Variants in DERL3 observed in about 807,000 individuals in gnomAD.
DERL3 encodes derlin 3.
A neutral mutation model predicts 23.8 loss-of-function variants in DERL3; 20 were observed. The observed-to-expected ratio is 0.84, with a 90% CI of 0.59 to 1.22. DERL3 has a LOEUF of 1.22. Among genes scored for constraint, DERL3 ranks in the 50% most tolerant of loss-of-function variants. The pLI, the probability that DERL3 is intolerant of heterozygous loss-of-function variation, is 0.00. For synonymous variants in DERL3, 145 were observed against 132.5 expected (o/e 1.09, Z -0.65); for missense variants, 319 against 304.1 (o/e 1.05, Z -0.36).
chr22:23,837,586 C>A (rs570608450), intron 5 of DERL3, 73 bp downstream of exon 5: 62 of 1,503,746 alleles, frequency 4.1e-5, no homozygotes, highest in Middle Eastern at 2.0e-4. Flanking sequence ...GGGAGAGGGG[C>A]CCCAGGGCAT....
In DERL3 at chr22:23,836,685, A is replaced by G; in HGVS notation, c.*184T>C. The G allele has an allele frequency of 7.7e-7, 1 of 1,301,696 alleles. No homozygotes were observed. Among genetic ancestry groups the G allele is most frequent in the Non-Finnish European group, 9.7e-7 (1 of 1,031,646 alleles). 80.6% of individuals were successfully genotyped at this position (1,301,696 alleles called of 1,614,324 possible). Reference sequence around the variant, plus strand: ...TGAGTGAGGACGGGGCAGGCATAGAAGGATGTGGCCAGGTGAGATGGGGAA... The same window carrying G: ...TGAGTGAGGACGGGGCAGGCATAGAGGGATGTGGCCAGGTGAGATGGGGAA... On this transcript the variant is annotated 3_prime_UTR_variant, in exon 7 of 7. Coordinates refer to ENST00000318109, the MANE Select transcript of DERL3 (RefSeq NM_001002862.3).
At chr22:23,837,993 C>T (rs2031239435) in intron 4 of DERL3, 139 bp from the exon 5 acceptor site, 1 of 1,234,364 alleles carries the variant, frequency 8.1e-7, no homozygotes, top group Non-Finnish European at 1.1e-6. Flanking sequence ...CCAATAAAGG[C>T]GACACACTCC....
chr22:23,838,179 T>C, intron 4 of DERL3, 173 bp downstream of exon 4: 2 of 1,544,736 alleles, frequency 1.3e-6, no homozygotes, highest in Non-Finnish European at 8.7e-7. Context: ...CATACAGCAC[T>C]GAAGATCTAG....
intron 4 of DERL3, 29 bp from the exon 5 acceptor site, chr22:23,837,883 A>T (rs2031226482): frequency 1.9e-6 from 3 of 1,595,576 alleles, no homozygotes; most frequent in East Asian, 2.2e-5. Context: ...GCTCCGGTGC[A>T]GGCCTCAGCC....
chr22:23,837,887 C>T (rs2031226739), intron 4 of DERL3, 33 bp from the exon 5 acceptor site: 1 of 1,590,282 alleles, frequency 6.3e-7, no homozygotes, highest in Non-Finnish European at 8.6e-7. Flanking sequence ...CGGTGCAGGC[C>T]TCAGCCCAAG....
Position 23,836,092 on chromosome 22 carries a change from G to A in DERL3, c.*777C>T, listed in dbSNP as rs5760061. On this transcript the variant is annotated 3_prime_UTR_variant, in exon 7 of 7. Transcript: ENST00000318109. ...AAGAGAAAAATGAGCCACAGGGGTC[G>A]GATAAGGCTCACACACGTCCTCAGC... is the stretch of plus-strand genomic sequence containing the variant. 0.78 allele frequency: 764,840 copies of A among 985,274 alleles called. 300,858 individuals carry two copies. Among genetic ancestry groups the A allele is most frequent in the Non-Finnish European group, 0.81 (669,468 of 829,910 alleles). The allele number at this position is 985,274 out of a possible 1,614,324, so 61.0% of individuals were successfully genotyped here.
intron 5 of DERL3, chr22:23,837,440 G>C: frequency 1.5e-6 from 1 of 649,476 alleles, no homozygotes. Context: ...CATCAGGACC[G>C]TGCAAGCATC....
rs1568969292 is a variant in DERL3, at chr22:23,837,753, G to GA, written c.428dup (p.Phe144LeufsTer80). 3 of 1,614,050 alleles carry GA rather than the reference G, an allele frequency of 1.9e-6. No homozygotes were observed. The Admixed American group carries it at 5.0e-5, about 27-fold the overall frequency. ...GTGCCTGGAAAGTGAGCAGGCCGAA[G>GA]AAGTTGACCCTCACCCGAGGGCTGC... On this transcript the variant is annotated frameshift_variant, in exon 5 of 7. Coordinates refer to ENST00000318109, the MANE Select transcript of DERL3 (RefSeq NM_001002862.3). LOFTEE classifies it high-confidence loss of function.
At position 23,834,712 on chromosome 22, in the gene DERL3, C is replaced by G; in HGVS notation, c.*2157G>C. On this transcript the variant is annotated 3_prime_UTR_variant, in exon 7 of 7. Coordinates refer to ENST00000318109, the MANE Select transcript of DERL3 (RefSeq NM_001002862.3). ...TAGCACCTCAGCTCCTCTCAGCTCCCCTCAGCCTGTTCTCCTTCCAGACCC... is the reference window on the plus strand; with the variant it reads ...TAGCACCTCAGCTCCTCTCAGCTCCGCTCAGCCTGTTCTCCTTCCAGACCC... 1.4e-6 allele frequency: 2 copies of G among 1,389,840 alleles called. No homozygotes were observed. Among genetic ancestry groups the G allele is most frequent in the Non-Finnish European group, 1.9e-6 (2 of 1,040,882 alleles). The allele number at this position is 1,389,840 out of a possible 1,614,324, so 86.1% of individuals were successfully genotyped here.
chr22:23,837,147 C>A lies in DERL3; in HGVS notation c.531G>T (p.Ala177=). 1 of 1,613,936 alleles carries A rather than the reference C, an allele frequency of 6.2e-7. No individual in the cohort carries two copies. Among genetic ancestry groups the A allele is most frequent in the Non-Finnish European group, 8.5e-7 (1 of 1,179,906 alleles). ...NSILVDLLGI[A]VGHIYYFLED... ...CCAGGAAGTAGTAGATATGGCCCAC[C>A]GCAATCCCTGTGAGACAGCCACGGA... Residue 177 remains alanine (A), a synonymous_variant, in exon 6 of 7, where the codon GCG becomes GCT. Coordinates refer to ENST00000318109, the MANE Select transcript of DERL3 (RefSeq NM_001002862.3).
chr22:23,838,394 G>A lies in DERL3; in HGVS notation c.285C>T (p.Ala95=). 3.1e-6 allele frequency: 5 copies of A among 1,610,016 alleles called. No homozygotes were observed. The South Asian group carries it at 5.5e-5, about 18-fold the overall frequency. ...LEEGSFRGRT[A]DFVFMFLFGG... is the part of the protein sequence containing the mutation. ...CGAAGAGAAACATGAAGACGAAGTC[G>A]GCCGTGCGGCCGCGGAAGGAGCCCT... Residue 95 remains alanine (A), a synonymous_variant, in exon 4 of 7, where the codon GCC becomes GCT. Coordinates refer to ENST00000318109, the MANE Select transcript of DERL3 (RefSeq NM_001002862.3).
Position 23,838,887 on chromosome 22 carries a change from C to T in DERL3, c.93+8G>A. On this transcript the variant is annotated splice_region_variant and intron_variant, in intron 1 of 6. Coordinates refer to ENST00000318109, the MANE Select transcript of DERL3 (RefSeq NM_001002862.3). Reference sequence around the variant, plus strand: ...CCAAGGCGACGTCCGGTCCGCCCGGCCGCTTACCACCGCGGCGGTGGTGAG... The same window carrying T: ...CCAAGGCGACGTCCGGTCCGCCCGGTCGCTTACCACCGCGGCGGTGGTGAG... 1 of 1,557,510 alleles carries T rather than the reference C, an allele frequency of 6.4e-7. No homozygotes were observed. The highest frequency in any genetic ancestry group is 8.7e-7 in the Non-Finnish European group (1 of 1,150,460).
chr22:23,837,342 C>T (rs1259736497), intron 5 of DERL3, 188 bp from the exon 6 acceptor site: 5 of 764,496 alleles, frequency 6.5e-6, no homozygotes, highest in Non-Finnish European at 1.1e-5. Context: ...GGCCCAGAAG[C>T]AGGCAGGACC....
In DERL3 at chr22:23,838,255, T is replaced by C. The variant is rs930610472; in HGVS notation, c.327+97A>G. 9.7e-6 allele frequency: 15 copies of C among 1,551,418 alleles called. No individual in the cohort carries two copies. The African/African-American group carries it at 1.8e-4, about 18-fold the overall frequency. On this transcript the variant is annotated intron_variant, in intron 4 of 6. Transcript: ENST00000318109. ...CATACTAAGCTGGAGACAGCGACTG[T>C]GTCCCTCTCTGGCATGGCTGTGTTG... is the stretch of plus-strand genomic sequence containing the variant.
At position 23,834,999 on chromosome 22, in the gene DERL3, T is replaced by C; in HGVS notation, c.*1870A>G. 1 of 1,473,520 alleles carries C rather than the reference T, an allele frequency of 6.8e-7. No homozygotes were observed. The highest frequency in any genetic ancestry group is 9.0e-7 in the Non-Finnish European group (1 of 1,114,224). The allele number at this position is 1,473,520 out of a possible 1,614,324, so 91.3% of individuals were successfully genotyped here. ...GCCAGCCTGGGTGCAGGAGGGCTGTTCTAGCTCCAGTGGCACCCATAGCCA... is the reference window on the plus strand; with the variant it reads ...GCCAGCCTGGGTGCAGGAGGGCTGTCCTAGCTCCAGTGGCACCCATAGCCA... On this transcript the variant is annotated 3_prime_UTR_variant, in exon 7 of 7. Coordinates refer to ENST00000318109, the MANE Select transcript of DERL3 (RefSeq NM_001002862.3).
Position 23,836,592 on chromosome 22 carries a change from T to C in DERL3, c.*277A>G, listed in dbSNP as rs763794922. 1 of 1,169,762 alleles carries C rather than the reference T, an allele frequency of 8.5e-7. No homozygotes were observed. The highest frequency in any genetic ancestry group is 1.1e-6 in the Non-Finnish European group (1 of 949,934). The allele number at this position is 1,169,762 out of a possible 1,614,324, so 72.5% of individuals were successfully genotyped here. On this transcript the variant is annotated 3_prime_UTR_variant, in exon 7 of 7. Transcript: ENST00000318109. The stretch of plus-strand genomic sequence containing the variant: ...AGCTCAAAGCTCTGCCAGGCAACCA[T>C]GGGCAGTTTCTTTGCCCTCTGTGGG...
At position 23,834,845 on chromosome 22, in the gene DERL3, C is replaced by A; in HGVS notation, c.*2024G>T. On this transcript the variant is annotated 3_prime_UTR_variant, in exon 7 of 7. Coordinates refer to ENST00000318109, the MANE Select transcript of DERL3 (RefSeq NM_001002862.3). ...CTTGGCCTCAGGAAGGTGCCGCGAGCTCTCCTGCCGTCCCTGGGCCGCCCT... is the reference window on the plus strand; with the variant it reads ...CTTGGCCTCAGGAAGGTGCCGCGAGATCTCCTGCCGTCCCTGGGCCGCCCT... The A allele has an allele frequency of 6.2e-7, 1 of 1,612,214 alleles. No individual in the cohort carries two copies.
rs35305666 is a variant in DERL3 at position 23,834,772 on chromosome 22, CA to C, written c.*2096del. 0.92 allele frequency: 1,436,249 copies of C among 1,567,498 alleles called. 659,901 individuals carry two copies. Among genetic ancestry groups the C allele is most frequent in the African/African-American group, 0.95 (70,594 of 74,190 alleles). On this transcript the variant is annotated 3_prime_UTR_variant, in exon 7 of 7. Transcript: ENST00000318109. ...AGAAGAGTAGCTGTGAGGCTCAGGG[CA>C]AGAGGCTCTCTGCCTTTCAGGAACA...
Position 23,836,157 on chromosome 22 carries a change from T to G in DERL3, c.*712A>C. Reference sequence around the variant, plus strand: ...ACAGAACCTTCCAGAAGTCCCTGCCTCACCCAGTCTCAGAACTCTGCTAAG... The same window carrying G: ...ACAGAACCTTCCAGAAGTCCCTGCCGCACCCAGTCTCAGAACTCTGCTAAG... On this transcript the variant is annotated 3_prime_UTR_variant, in exon 7 of 7. Transcript: ENST00000318109. 1.0e-6 allele frequency: 1 copy of G among 985,446 alleles called. No individual in the cohort carries two copies. Among genetic ancestry groups the G allele is most frequent in the Non-Finnish European group, 1.2e-6 (1 of 829,932 alleles). 61.0% of individuals were successfully genotyped at this position (985,446 alleles called of 1,614,324 possible).
Sources: gnomAD v4.1 joint callset for allele counts on GRCh38, gnomAD v4.1.1 for gene constraint, MANE v1.5 for transcripts, NCBI Gene and HGNC (gene_info 2026-07-23, HGNC 2026-07-21) for gene names.